Variants in MEMO1 observed in about 807,000 individuals in gnomAD.
MEMO1 encodes the protein mediator of cell motility 1.
A neutral mutation model predicts 45.2 loss-of-function variants in MEMO1; 6 were observed. The ratio of observed to expected loss-of-function variants is 0.13; its 90% CI spans 0.07 to 0.26. The LOEUF (loss-of-function observed/expected upper bound fraction) is 0.26, where lower values mean the gene tolerates loss of function less well. MEMO1 is among the 10% of genes least tolerant of loss of function. The probability of loss-of-function intolerance (pLI) is 1.00; values close to 1 mark genes in which losing one functional copy is unlikely to be tolerated. For synonymous variants in MEMO1, 78 were observed against 124.3 expected, an observed-to-expected ratio of 0.63 and a Z score of 2.48; for missense variants, 184 against 370.5, an observed-to-expected ratio of 0.50 and a Z score of 4.13.
chr2:31,870,176 TTTA>T (rs146792148), intron 8 of MEMO1, among the ~76,000 whole-genome samples: 4,572 of 152,200 alleles, frequency 0.03, 117 homozygotes, highest in East Asian at 0.078. Context: ...TAATCCCCAG[TTTA>T]TTTTCTCCAA....
intron 4 of MEMO1, chr2:31,923,532 T>G: frequency 8.0e-7 from 1 of 1,245,722 alleles, no homozygotes; most frequent in African/African-American, 1.5e-5. Context: ...TAATAGCACA[T>G]AAATAACATG....
chr2:32,006,964 CAAAAAAAAAAA>C (rs67557055), intron 2 of MEMO1, among the ~76,000 whole-genome samples: 1 of 75,970 alleles, frequency 1.3e-5, no homozygotes, highest in Non-Finnish European at 2.5e-5. Flanking sequence ...GATTCCATCT[CAAAAAAAAAAA>C]AAAAAAAAAA....
intron 6 of MEMO1, among the ~76,000 whole-genome samples, chr2:31,894,799 T>C (rs562024406): frequency 2.0e-5 from 3 of 152,116 alleles, no homozygotes; most frequent in Non-Finnish European, 2.9e-5. Context: ...CTATACTTAG[T>C]TGATTCTTTC....
intron 2 of MEMO1, among the ~76,000 whole-genome samples, chr2:31,961,892 T>C (rs1352480391): frequency 6.6e-6 from 1 of 152,128 alleles, no homozygotes; most frequent in Non-Finnish European, 1.5e-5. Context: ...ACATGACTAG[T>C]AAATGGCAAT....
intron 6 of MEMO1, among the ~76,000 whole-genome samples, chr2:31,898,489 G>T (rs1327368834): frequency 2.2e-4 from 34 of 152,184 alleles, no homozygotes; most frequent in Admixed American, 2.2e-3. Context: ...TAGTCATGCA[G>T]GAGTGGGTTG....
At chr2:31,994,877 G>A (rs1672383367) in intron 2 of MEMO1, among the ~76,000 whole-genome samples, 1 of 151,846 alleles carries the variant, frequency 6.6e-6, no homozygotes, top group Non-Finnish European at 1.5e-5. Flanking sequence ...GAGCCCTGGA[G>A]GTCGAGGCTG....
At chr2:31,900,343 T>C (rs1489122758) in intron 6 of MEMO1, among the ~76,000 whole-genome samples, 2 of 152,174 alleles carry the variant, frequency 1.3e-5, no homozygotes, top group Non-Finnish European at 2.9e-5. Context: ...TGGAATACTA[T>C]GCAGCCATAA....
At chr2:31,994,029 C>T (rs1159207884) in intron 2 of MEMO1, among the ~76,000 whole-genome samples, 1 of 127,290 alleles carries the variant, frequency 7.9e-6, no homozygotes, top group Non-Finnish European at 1.6e-5. Flanking sequence ...GACATGATCT[C>T]GGCTCACTGC....
At chr2:31,970,769 C>G (rs1358503861) in intron 2 of MEMO1, among the ~76,000 whole-genome samples, 1 of 152,098 alleles carries the variant, frequency 6.6e-6, no homozygotes, top group Non-Finnish European at 1.5e-5. Context: ...TTTGGGAGGC[C>G]GAGGTGGGGG....
At chr2:31,918,442 C>G (rs1266572451) in intron 5 of MEMO1, among the ~76,000 whole-genome samples, 1 of 152,144 alleles carries the variant, frequency 6.6e-6, no homozygotes, top group Non-Finnish European at 1.5e-5. Flanking sequence ...AGAATTCCTA[C>G]TGAAATATGG....
intron 2 of MEMO1, among the ~76,000 whole-genome samples, chr2:31,969,692 C>T (rs150795078): frequency 2.0e-5 from 3 of 150,050 alleles, no homozygotes; most frequent in Non-Finnish European, 3.0e-5. Flanking sequence ...TCACTGTAAC[C>T]TCAAACTCCT....
intron 6 of MEMO1, among the ~76,000 whole-genome samples, chr2:31,902,126 A>AC (rs1678933502): frequency 6.6e-6 from 1 of 151,802 alleles, no homozygotes; most frequent in African/African-American, 2.4e-5. Flanking sequence ...TTAAAAACAA[A>AC]TTTTTTTAGA....
At chr2:31,992,855 A>G (rs933843872) in intron 2 of MEMO1, among the ~76,000 whole-genome samples, 2 of 152,206 alleles carry the variant, frequency 1.3e-5, no homozygotes, top group African/African-American at 4.8e-5. Flanking sequence ...GAACACCCAG[A>G]TATGTCCAAA....
chr2:31,933,351 T>TTATATATATATATATATATATATATATA (rs370773425), intron 3 of MEMO1, among the ~76,000 whole-genome samples: 6 of 45,082 alleles, frequency 1.3e-4, no homozygotes, highest in Non-Finnish European at 2.2e-4. Flanking sequence ...AAAAAAAAAT[T>TTATATATATATATATATATATATATATA]TATATATATA....
At chr2:31,980,941 A>C (rs1670563088) in intron 2 of MEMO1, among the ~76,000 whole-genome samples, 1 of 152,250 alleles carries the variant, frequency 6.6e-6, no homozygotes, top group Non-Finnish European at 1.5e-5. Flanking sequence ...TAGTCTCAGC[A>C]GCAAGAGTTC....
At chr2:31,933,344 AAAAAATTTATATAT>A (rs1302470522) in intron 3 of MEMO1, among the ~76,000 whole-genome samples, 1 of 35,420 alleles carries the variant, frequency 2.8e-5, no homozygotes, top group African/African-American at 1.2e-4. Context: ...AAAAAAAAAA[AAAAAATTTATATAT>A]ATATATATAT....
At chr2:31,958,744 C>T (rs1667677637) in intron 2 of MEMO1, among the ~76,000 whole-genome samples, 1 of 152,192 alleles carries the variant, frequency 6.6e-6, no homozygotes, top group Non-Finnish European at 1.5e-5. Flanking sequence ...CTCCGCTTCC[C>T]TGGCTCAAGC....
At chr2:31,902,880 G>C (rs796105099) in intron 6 of MEMO1, among the ~76,000 whole-genome samples, 18 of 151,882 alleles carry the variant, frequency 1.2e-4, no homozygotes, top group African/African-American at 4.1e-4. Flanking sequence ...CAGAAACACT[G>C]TATTACCAAT....
chr2:31,967,381 C>T (rs1315159361), intron 2 of MEMO1, among the ~76,000 whole-genome samples: 2 of 152,198 alleles, frequency 1.3e-5, no homozygotes, highest in African/African-American at 4.8e-5. Flanking sequence ...GCCTCAGCCT[C>T]CCAAAGTGCT....
Sources: gnomAD v4.1 joint callset for allele counts (sites outside exome capture counted in the v4.1 genomes callset) on GRCh38, gnomAD v4.1.1 for gene constraint, MANE v1.5 for transcripts, NCBI Gene and HGNC (gene_info 2026-07-23, HGNC 2026-07-21) for gene names.